SLC25A21: variants seen among roughly 807,000 people sequenced by gnomAD.
The protein encoded by SLC25A21 is solute carrier family 25 member 21.
In SLC25A21, 47 loss-of-function variants were observed where a neutral mutation model predicts 43.8. The ratio of observed to expected loss-of-function variants is 1.07; its 90% CI spans 0.85 to 1.37. SLC25A21 has a LOEUF of 1.37. SLC25A21 is among the 40% of genes most tolerant of loss of function. SLC25A21 has a pLI of 0.00. For synonymous variants in SLC25A21, 131 were observed against 121.3 expected (o/e 1.08, Z -0.52); for missense variants, 352 against 350.2 (o/e 1.00, Z -0.04).
At chr14:36,866,690 C>T (rs1265942691) in intron 2 of SLC25A21, among the ~76,000 whole-genome samples, 1 of 152,162 alleles carries the variant, frequency 6.6e-6, no homozygotes, top group Non-Finnish European at 1.5e-5. Context: ...TTCCTTTTCA[C>T]ATTGCATTCT....
intron 1 of SLC25A21, among the ~76,000 whole-genome samples, chr14:37,013,680 C>G (rs1960782732): frequency 6.6e-6 from 1 of 152,158 alleles, no homozygotes; most frequent in Admixed American, 6.6e-5. Context: ...ACCCCCCTCA[C>G]CACTCTGAAA....
intron 3 of SLC25A21, among the ~76,000 whole-genome samples, chr14:36,743,826 G>A (rs945122321): frequency 6.6e-6 from 1 of 152,114 alleles, no homozygotes; most frequent in African/African-American, 2.4e-5. Flanking sequence ...TTTGATACAT[G>A]ATTTCAGGAA....
At chr14:36,953,742 T>C (rs1200438547) in intron 1 of SLC25A21, among the ~76,000 whole-genome samples, 1 of 152,188 alleles carries the variant, frequency 6.6e-6, no homozygotes, top group Non-Finnish European at 1.5e-5. Context: ...AGACAGAGTA[T>C]AAATCTGTCA....
At chr14:37,123,176 C>T (rs7151191) in intron 1 of SLC25A21, among the ~76,000 whole-genome samples, 32,360 of 152,116 alleles carry the variant, frequency 0.21, 3,915 homozygotes, top group South Asian at 0.3. Flanking sequence ...TTGCTTAATG[C>T]TGTAAGTGAT....
intron 1 of SLC25A21, among the ~76,000 whole-genome samples, chr14:37,012,986 T>C (rs964984445): frequency 2.6e-5 from 4 of 152,166 alleles, no homozygotes; most frequent in African/African-American, 9.7e-5. Context: ...TCAGACTTCT[T>C]TGGGGGAGAG....
At position 36,680,719 on chromosome 14, in the gene SLC25A21, C is replaced by T; in HGVS notation, c.839G>A (p.Gly280Asp). 6.2e-7 allele frequency: 1 copy of T among 1,611,696 alleles called. No individual in the cohort carries two copies. Residue 280 changes from glycine (G) to aspartate (D), a missense_variant and splice_region_variant, in exon 10 of 10, where the codon GGT (glycine) becomes GAT (aspartate). Coordinates refer to ENST00000331299, the MANE Select transcript of SLC25A21 (RefSeq NM_030631.4). ...LLPKIMRLGP[G>D]GAVMLLVYEY... ...ATAAACCAGCAGCATCACTGCACCA[C>T]CTAGAAAAGAAAAGAGCTGTTTTTT...
At chr14:37,167,416 T>C (rs1964047653) in intron 1 of SLC25A21, among the ~76,000 whole-genome samples, 2 of 152,186 alleles carry the variant, frequency 1.3e-5, no homozygotes, top group Admixed American at 1.3e-4. Context: ...AAATCTGACC[T>C]AAGCAACTCC....
intron 9 of SLC25A21, 35 bp downstream of exon 9, chr14:36,683,793 A>AG: frequency 6.7e-7 from 1 of 1,488,388 alleles, no homozygotes; most frequent in Non-Finnish European, 9.2e-7. Flanking sequence ...AGAACAATAA[A>AG]GAAGGAAGGA....
chr14:37,108,185 T>TGTTATACATGTCAGATAG (rs1369679634), intron 1 of SLC25A21, among the ~76,000 whole-genome samples: 6 of 152,216 alleles, frequency 3.9e-5, no homozygotes, highest in African/African-American at 1.4e-4. Context: ...TATTTTCAAG[T>TGTTATACATGTCAGATAG]GTTATACATG....
intron 1 of SLC25A21, among the ~76,000 whole-genome samples, chr14:36,896,393 G>A (rs919152592): frequency 6.6e-6 from 1 of 152,024 alleles, no homozygotes; most frequent in African/African-American, 2.4e-5. Flanking sequence ...CATTTGCTTG[G>A]TAGATCTTCC....
chr14:36,730,556 C>T (rs776673441), intron 4 of SLC25A21, among the ~76,000 whole-genome samples: 1 of 152,162 alleles, frequency 6.6e-6, no homozygotes, highest in Non-Finnish European at 1.5e-5. Flanking sequence ...GCCAAAAATA[C>T]TCTGTTGTTA....
At chr14:36,925,317 C>T (rs1892100973) in intron 1 of SLC25A21, among the ~76,000 whole-genome samples, 1 of 151,956 alleles carries the variant, frequency 6.6e-6, no homozygotes, top group Non-Finnish European at 1.5e-5. Context: ...GATGTAAACC[C>T]CAATTATATG....
chr14:37,096,009 A>G (rs1290231751), intron 1 of SLC25A21, among the ~76,000 whole-genome samples: 1 of 152,204 alleles, frequency 6.6e-6, no homozygotes, highest in African/African-American at 2.4e-5. Context: ...ACATCAGACA[A>G]ACCCAAAGTG....
At chr14:36,971,769 C>T (rs894085102) in intron 1 of SLC25A21, among the ~76,000 whole-genome samples, 6 of 152,284 alleles carry the variant, frequency 3.9e-5, no homozygotes, top group African/African-American at 1.2e-4. Context: ...GACAATGATG[C>T]CGCTTCATAT....
At chr14:37,147,400 G>A (rs1187237492) in intron 1 of SLC25A21, among the ~76,000 whole-genome samples, 1 of 152,024 alleles carries the variant, frequency 6.6e-6, no homozygotes, top group African/African-American at 2.4e-5. Flanking sequence ...TCCTGGTCTT[G>A]TCTGTCACCC....
intron 1 of SLC25A21, among the ~76,000 whole-genome samples, chr14:37,086,397 T>C (rs1467609969): frequency 6.6e-6 from 1 of 152,182 alleles, no homozygotes; most frequent in East Asian, 1.9e-4. Flanking sequence ...AAAAGGATAT[T>C]ACTATGTGTA....
At chr14:37,171,941 T>C in intron 1 of SLC25A21, 1 of 338,518 alleles carries the variant, frequency 3.0e-6, no homozygotes, top group Non-Finnish European at 5.4e-6. Context: ...AACTGGATCA[T>C]TTTCAAGTAA....
intron 3 of SLC25A21, among the ~76,000 whole-genome samples, chr14:36,784,392 G>A (rs1041901882): frequency 1.3e-5 from 2 of 152,096 alleles, no homozygotes; most frequent in Non-Finnish European, 2.9e-5. Flanking sequence ...TCTAGCTGGA[G>A]ATATTTGAGA....
chr14:36,768,599 T>C (rs567152749), intron 3 of SLC25A21, among the ~76,000 whole-genome samples: 3 of 152,304 alleles, frequency 2.0e-5, no homozygotes, highest in Admixed American at 6.5e-5. Flanking sequence ...TTCAGCTGAC[T>C]GAAAGTTGCT....
Sources: gnomAD v4.1 joint callset for allele counts (sites outside exome capture counted in the v4.1 genomes callset) on GRCh38, gnomAD v4.1.1 for gene constraint, MANE v1.5 for transcripts, NCBI Gene and HGNC (gene_info 2026-07-23, HGNC 2026-07-21) for gene names.